EIF2AK4: variants seen among roughly 807,000 people sequenced by gnomAD.
EIF2AK4 encodes eukaryotic translation initiation factor 2 alpha kinase 4.
In EIF2AK4, 139 loss-of-function variants were observed where a neutral mutation model predicts 211.1. The ratio of observed to expected loss-of-function variants is 0.66; its 90% CI spans 0.57 to 0.76. The LOEUF is 0.76. Among genes scored for constraint, EIF2AK4 ranks in the 30% least tolerant of loss-of-function variants. The probability of loss-of-function intolerance (pLI) is 0.00; values close to 1 mark genes in which losing one functional copy is unlikely to be tolerated. For synonymous variants in EIF2AK4, 710 were observed against 751.3 expected, an observed-to-expected ratio of 0.94 and a Z score of 0.90; for missense variants, 1,664 against 2,043.8, an observed-to-expected ratio of 0.81 and a Z score of 3.58.
rs752606318 is a variant in EIF2AK4 at position 40,001,240 on chromosome 15, G to A, written c.3159+16G>A. ...CATACTGAAGGTGGGCTTAAGCCAC[G>A]CTGCACAAAGGGAGCTTCACCTTGT... On this transcript the variant is annotated intron_variant, in intron 21 of 38. Coordinates refer to ENST00000263791, the MANE Select transcript of EIF2AK4 (RefSeq NM_001013703.4). The A allele has an allele frequency of 1.1e-4, 176 of 1,610,418 alleles. No individual in the cohort carries two copies. Among genetic ancestry groups the A allele is most frequent in the South Asian group, 2.6e-4 (24 of 90,904 alleles).
At chr15:39,985,710 C>G (rs2034855361) in intron 13 of EIF2AK4, 95 bp from the exon 14 acceptor site, 1 of 1,129,354 alleles carries the variant, frequency 8.9e-7, no homozygotes, top group African/African-American at 1.5e-5. Context: ...CTGGGTGGCC[C>G]TGTGTTGGGG....
intron 9 of EIF2AK4, among the ~76,000 whole-genome samples, chr15:39,969,753 C>T (rs917535877): frequency 5.3e-5 from 8 of 152,228 alleles, no homozygotes; most frequent in Admixed American, 5.2e-4. Flanking sequence ...AAGGAGCTGC[C>T]AAGAACTGTT....
Position 40,000,994 on chromosome 15 carries a change from G to A in EIF2AK4, c.2929G>A (p.Val977Ile). The A allele has an allele frequency of 1.2e-6, 2 of 1,614,174 alleles. No homozygotes were observed. Among genetic ancestry groups the A allele is most frequent in the Non-Finnish European group, 1.7e-6 (2 of 1,180,032 alleles). ...DDGEHAKQKS[V>I]ISWLLNHDPA... is the part of the protein sequence containing the mutation. ...TGCCTGGGTTTTATTGTAGAAATCA[G>A]TCATCTCCTGGCTGTTGAACCACGA... The change falls in exon 21 of 39, where the codon GTC becomes ATC. Residue 977 changes from valine (V) to isoleucine (I), a missense_variant. Val to Ile is a conservative substitution (Grantham distance 29, BLOSUM62 3). Transcript: ENST00000263791.
intron 27 of EIF2AK4, among the ~76,000 whole-genome samples, chr15:40,015,972 G>T (rs779792861): frequency 6.6e-6 from 1 of 152,208 alleles, no homozygotes; most frequent in Non-Finnish European, 1.5e-5. Context: ...CCAGGATCTG[G>T]CATCCAGGTG....
At chr15:40,008,235 T>C in intron 25 of EIF2AK4, 40 bp downstream of exon 25, 2 of 1,541,802 alleles carry the variant, frequency 1.3e-6, no homozygotes, top group Non-Finnish European at 1.8e-6. Context: ...TTCCCCACTA[T>C]ATTTCTTCAC....
At chr15:39,972,349 C>CA (rs71309404) in intron 9 of EIF2AK4, among the ~76,000 whole-genome samples, 42,153 of 115,674 alleles carry the variant, frequency 0.36, 7,527 homozygotes, top group Non-Finnish European at 0.48. Context: ...GACCCTATTT[C>CA]AAAAAAAAAA....
intron 3 of EIF2AK4, chr15:39,947,045 G>A: frequency 5.7e-6 from 1 of 175,478 alleles, no homozygotes; most frequent in Admixed American, 6.1e-5. Flanking sequence ...GTCTGGAACT[G>A]AACCTGCCAT....
chr15:40,007,912 C>T (rs1455313381), intron 24 of EIF2AK4, 115 bp from the exon 25 acceptor site: 14 of 801,718 alleles, frequency 1.7e-5, no homozygotes, highest in Non-Finnish European at 2.6e-5. Context: ...TCCTCTTGAT[C>T]ATACCACCGA....
At chr15:39,960,591 G>A (rs890245855) in intron 6 of EIF2AK4, among the ~76,000 whole-genome samples, 37 of 152,166 alleles carry the variant, frequency 2.4e-4, no homozygotes, top group African/African-American at 8.4e-4. Flanking sequence ...GACAGGAAGT[G>A]CAGTAATGTG....
At chr15:39,969,506 G>A (rs753228233) in intron 9 of EIF2AK4, among the ~76,000 whole-genome samples, 2 of 151,654 alleles carry the variant, frequency 1.3e-5, no homozygotes, top group Non-Finnish European at 2.9e-5. Flanking sequence ...GTCTACAGGC[G>A]CCCGCTACTA....
intron 32 of EIF2AK4, among the ~76,000 whole-genome samples, chr15:40,023,943 T>G (rs1224033758): frequency 6.6e-6 from 1 of 152,154 alleles, no homozygotes; most frequent in East Asian, 1.9e-4. Context: ...AACTAGAAAT[T>G]TTTACATTCT....
At chr15:39,993,461 G>A (rs2034978714) in intron 18 of EIF2AK4, among the ~76,000 whole-genome samples, 1 of 152,246 alleles carries the variant, frequency 6.6e-6, no homozygotes, top group Admixed American at 6.5e-5. Context: ...TTGAGAGGAT[G>A]GCATTTAGGA....
chr15:40,007,178 G>A, intron 24 of EIF2AK4, 113 bp downstream of exon 24: 1 of 987,562 alleles, frequency 1.0e-6, no homozygotes, highest in South Asian at 1.5e-5. Context: ...AAGAATTCTG[G>A]GTTCAGAATA....
At chr15:39,978,196 C>T (rs756592222) in intron 13 of EIF2AK4, 49 bp downstream of exon 13, 10 of 1,107,442 alleles carry the variant, frequency 9.0e-6, no homozygotes, top group Admixed American at 2.0e-5. Context: ...ATATAATTGA[C>T]GTCTGATGTC....
intron 13 of EIF2AK4, among the ~76,000 whole-genome samples, chr15:39,979,981 A>G (rs560826853): frequency 3.2e-4 from 49 of 152,354 alleles, no homozygotes; most frequent in African/African-American, 1.0e-3. Context: ...TTTGAAGACA[A>G]CAGATTGAAG....
chr15:39,990,484 A>G, intron 16 of EIF2AK4, 107 bp downstream of exon 16: 1 of 935,830 alleles, frequency 1.1e-6, no homozygotes, highest in Non-Finnish European at 1.7e-6. Context: ...TATGCCGTCT[A>G]ATCCTCAGGA....
intron 4 of EIF2AK4, among the ~76,000 whole-genome samples, chr15:39,953,552 C>T (rs2034349188): frequency 6.6e-6 from 1 of 152,182 alleles, no homozygotes; most frequent in Non-Finnish European, 1.5e-5. Context: ...AGTGCTTGTT[C>T]TCTGCAGATA....
intron 19 of EIF2AK4, among the ~76,000 whole-genome samples, chr15:39,998,277 T>G (rs1175358621): frequency 1.3e-5 from 2 of 150,482 alleles, no homozygotes; most frequent in East Asian, 3.9e-4. Context: ...TTTGTTTTGT[T>G]TTTTTTTGCC....
Position 39,967,386 on chromosome 15 carries a change from A to G in EIF2AK4, c.1060A>G (p.Ser354Gly). The change falls in exon 9 of 39, where the codon AGC becomes GGC. Residue 354 changes from serine to glycine, a missense_variant. Around this residue, in one of 7 missense-constraint regions of EIF2AK4, gnomAD observed 641 missense variants for 729.6 expected, o/e 0.88. Transcript: ENST00000263791. Reference protein sequence around the residue: ...ETEFNSLVKLSHPNVVRYLAM... With the variant: ...ETEFNSLVKLGHPNVVRYLAM... ...AGAATTCAACTCACTGGTAAAATTG[A>G]GCCATCCAAATGTAGTACGCTACCT... The G allele has an allele frequency of 6.2e-7, 1 of 1,605,686 alleles. No individual in the cohort carries two copies. Among genetic ancestry groups the G allele is most frequent in the Non-Finnish European group, 8.5e-7 (1 of 1,173,998 alleles).
Sources: gnomAD v4.1 joint callset for allele counts (sites outside exome capture counted in the v4.1 genomes callset) on GRCh38, gnomAD v4.1.1 for gene constraint, gnomAD v4.1.1 regional missense constraint, MANE v1.5 for transcripts, NCBI Gene and HGNC (gene_info 2026-07-23, HGNC 2026-07-21) for gene names.